Variants in TMCO5A observed in about 807,000 individuals in gnomAD.
TMCO5A encodes transmembrane and coiled-coil domains 5A, also known as transmembrane and coiled-coil domain-containing protein 5A.
TMCO5A carries 34 observed loss-of-function variants against 42.3 expected under a neutral mutation model. That is an observed-to-expected ratio of 0.80 (90% confidence interval 0.61 to 1.07). The LOEUF is 1.07. Ranked by LOEUF, TMCO5A falls within the 50% of genes least tolerant of loss-of-function variation. The pLI, the probability that TMCO5A is intolerant of heterozygous loss-of-function variation, is 0.00. For missense variants in TMCO5A, 357 were observed against 327.9 expected, an observed-to-expected ratio of 1.09 and a Z score of -0.69; for synonymous variants, 131 against 115.6, an observed-to-expected ratio of 1.13 and a Z score of -0.86.
the TMCO5A span, among the ~76,000 whole-genome samples, chr15:37,978,386 A>G: frequency 1.9e-4 from 29 of 152,226 alleles, no homozygotes; most frequent in African/African-American, 7.0e-4. Context: ...GGAAACACAG[A>G]GCTACTACCA....
chr15:37,979,237 G>T, the TMCO5A span, among the ~76,000 whole-genome samples: 1 of 152,066 alleles, frequency 6.6e-6, no homozygotes, highest in South Asian at 2.1e-4. Context: ...GTGCTGTGCT[G>T]GAGGTCCTCC....
intron 3 of TMCO5A, 136 bp from the exon 4 acceptor site, chr15:37,936,711 G>A (rs1595583837): frequency 7.8e-7 from 1 of 1,287,654 alleles, no homozygotes; most frequent in Non-Finnish European, 1.0e-6. Context: ...CTGCTTTATG[G>A]ATTCAGTAAG....
the TMCO5A span, chr15:37,994,427 T>C: frequency 6.6e-6 from 1 of 152,258 alleles, no homozygotes; most frequent in East Asian, 1.9e-4. Context: ...CATGGCTTTT[T>C]ACCTGGTGCC....
intron 11 of TMCO5A, among the ~76,000 whole-genome samples, chr15:37,963,592 T>A (rs1464606015): frequency 6.6e-6 from 1 of 152,160 alleles, no homozygotes; most frequent in Non-Finnish European, 1.5e-5. Flanking sequence ...ATAGTTTAAA[T>A]CCATCGTTTC....
chr15:37,962,104 C>T (rs1347913799), intron 11 of TMCO5A, among the ~76,000 whole-genome samples: 1 of 152,006 alleles, frequency 6.6e-6, no homozygotes, highest in African/African-American at 2.4e-5. Context: ...AGTGGGCATC[C>T]TTCTCTTATT....
At chr15:37,942,141 T>C (rs1241072943) in intron 8 of TMCO5A, 50 bp from the exon 9 acceptor site, 5 of 1,562,036 alleles carry the variant, frequency 3.2e-6, no homozygotes, top group East Asian at 4.5e-5. Flanking sequence ...CTTAGAAAAA[T>C]TGTAAACCTT....
the TMCO5A span, among the ~76,000 whole-genome samples, chr15:38,010,232 C>T: frequency 1.3e-5 from 2 of 151,646 alleles, no homozygotes; most frequent in Non-Finnish European, 2.9e-5. Context: ...AAAAATTAGC[C>T]GGGCGTATTG....
At chr15:37,967,210 C>A (rs1890577962) in exon 12 of TMCO5A, 1 of 152,498 alleles carries the variant, frequency 6.6e-6, no homozygotes, top group Admixed American at 6.5e-5. Context: ...ATATATCACA[C>A]CTCTTATTTT....
At chr15:37,968,252 C>T (rs1410069540), downstream of TMCO5A, among the ~76,000 whole-genome samples, 1 of 152,160 alleles carries the variant, frequency 6.6e-6, no homozygotes, top group Non-Finnish European at 1.5e-5. Context: ...CAGGTTTCTG[C>T]CTCCCTCACC....
At chr15:38,015,064 G>A in the TMCO5A span, among the ~76,000 whole-genome samples, 30,894 of 150,910 alleles carry the variant, frequency 0.2, 3,549 homozygotes, top group Non-Finnish European at 0.26. Flanking sequence ...TGCGAGGCTA[G>A]GCCTATCTCT....
the TMCO5A span, among the ~76,000 whole-genome samples, chr15:37,981,510 A>G: frequency 6.6e-6 from 1 of 152,166 alleles, no homozygotes; most frequent in African/African-American, 2.4e-5. Context: ...AATGGTTAAA[A>G]TCATTGCTTT....
the TMCO5A span, among the ~76,000 whole-genome samples, chr15:37,999,422 T>C: frequency 2.0e-5 from 3 of 152,202 alleles, no homozygotes; most frequent in Admixed American, 6.5e-5. Context: ...TTCTAGCAGA[T>C]CTTTTGGCAG....
At position 37,951,291 on chromosome 15, in the gene TMCO5A, G is replaced by A. The variant is rs1159338514; in HGVS notation, c.*57G>A. On this transcript the variant is annotated 3_prime_UTR_variant, in exon 12 of 12. Coordinates refer to ENST00000319669, the MANE Select transcript of TMCO5A (RefSeq NM_152453.4). ...GGAAGTGGGATCCGAGCCTGTAGAA[G>A]GGAGGCATGAAACTTGTGGAGGAAA... 2.0e-5 allele frequency: 31 copies of A among 1,541,450 alleles called. No homozygotes were observed. Among genetic ancestry groups the A allele is most frequent in the Non-Finnish European group, 2.6e-5 (29 of 1,123,060 alleles).
chr15:37,975,536 T>C, the TMCO5A span, among the ~76,000 whole-genome samples: 1 of 151,206 alleles, frequency 6.6e-6, no homozygotes, highest in Non-Finnish European at 1.5e-5. Context: ...AGGTCTGTTT[T>C]GTCTGAAATT....
At chr15:37,964,010 T>G (rs115798845) in intron 11 of TMCO5A, among the ~76,000 whole-genome samples, 13 of 152,122 alleles carry the variant, frequency 8.5e-5, no homozygotes, top group African/African-American at 3.1e-4. Context: ...AATCAGAGAT[T>G]TTTTTTCTTG....
At chr15:38,020,200 T>A in the TMCO5A span, 2 of 151,828 alleles carry the variant, frequency 1.3e-5, no homozygotes, top group African/African-American at 4.8e-5. Context: ...AGAGATGGAG[T>A]CTCCCTGTGT....
chr15:38,037,063 T>C, the TMCO5A span, among the ~76,000 whole-genome samples: 1 of 152,186 alleles, frequency 6.6e-6, no homozygotes, highest in Non-Finnish European at 1.5e-5. Flanking sequence ...AGAGTCAAAG[T>C]CTGAGAAGTA....
the TMCO5A span, chr15:38,025,162 GGTGTGTGTGT>G: frequency 0.31 from 45,569 of 147,468 alleles, 7,712 homozygotes; most frequent in East Asian, 0.59. Flanking sequence ...ACAGCTTTTG[GGTGTGTGTGT>G]GTGTGTGTGT....
chr15:37,969,275 C>A (rs1890629501), downstream of TMCO5A, among the ~76,000 whole-genome samples: 1 of 152,174 alleles, frequency 6.6e-6, no homozygotes, highest in Admixed American at 6.6e-5. Flanking sequence ...AGATGAATAT[C>A]TCAAATGGAA....
Sources: gnomAD v4.1 joint callset for allele counts (sites outside exome capture counted in the v4.1 genomes callset) on GRCh38, gnomAD v4.1.1 for gene constraint, MANE v1.5 for transcripts, NCBI Gene and HGNC (gene_info 2026-07-23, HGNC 2026-07-21) for gene names.